WDFY1: variants seen among roughly 807,000 people sequenced by gnomAD.
The protein encoded by WDFY1 is WD repeat and FYVE domain-containing protein 1.
In WDFY1, 32 loss-of-function variants were observed where a neutral mutation model predicts 56.4. That is an observed-to-expected ratio of 0.57 (90% CI 0.43 to 0.76). The LOEUF is 0.76. Ranked by LOEUF, WDFY1 falls within the 30% of genes least tolerant of loss-of-function variation. WDFY1 has a pLI of 0.00. For missense variants in WDFY1, 480 were observed against 545.7 expected (o/e 0.88, Z 1.20); for synonymous variants, 192 against 197.3 (o/e 0.97, Z 0.23).
intron 1 of WDFY1, among the ~76,000 whole-genome samples, chr2:223,935,183 C>T (rs1258802895): frequency 1.3e-5 from 2 of 152,064 alleles, no homozygotes; most frequent in East Asian, 1.9e-4. Flanking sequence ...CCTCATCTCC[C>T]CATTAACCTT....
rs1192801141 is a variant in WDFY1 at position 223,918,003 on chromosome 2, G to A, written c.145C>T (p.Arg49Trp). The change falls in exon 2 of 12, where the codon CGG (arginine) becomes TGG (tryptophan). Residue 49 changes from arginine to tryptophan, a missense_variant. Arg to Trp is a moderately radical substitution (Grantham distance 101). Transcript: ENST00000233055. ...VITASEDRTI[R>W]VWLKRDSGQY... Reference sequence around the variant, plus strand: ...CCACTGTCTCTTTTCAGCCATACCCGGATGGTTCTGTGGAGAAAAGAAAAG... The same window carrying A: ...CCACTGTCTCTTTTCAGCCATACCCAGATGGTTCTGTGGAGAAAAGAAAAG... 3.7e-6 allele frequency: 6 copies of A among 1,613,762 alleles called. No homozygotes were observed. In the Admixed American group the frequency reaches 5.0e-5, roughly 13 times the overall value.
chr2:223,917,581 AT>A (rs1027103590), intron 2 of WDFY1, among the ~76,000 whole-genome samples: 9 of 150,030 alleles, frequency 6.0e-5, no homozygotes, highest in Non-Finnish European at 8.9e-5. Flanking sequence ...AAACTTACTT[AT>A]TTTTTTTTTG....
chr2:223,935,505 A>C (rs1694154409), intron 1 of WDFY1, among the ~76,000 whole-genome samples: 1 of 152,262 alleles, frequency 6.6e-6, no homozygotes, highest in Non-Finnish European at 1.5e-5. Flanking sequence ...GGGAAGATGA[A>C]TACCTAAATT....
chr2:223,878,676 G>A lies in WDFY1; in HGVS notation c.1228C>T (p.His410Tyr), dbSNP rs1693012046. Residue 410 changes from histidine to tyrosine, a missense_variant, in exon 12 of 12, where the codon CAC becomes TAC. By Grantham distance (83) the His-to-Tyr change is moderately conservative. Coordinates refer to ENST00000233055, the MANE Select transcript of WDFY1 (RefSeq NM_020830.5). ...GACGCCGCCCAGCTCTCAGATCAGT[G>A]CGGAGAAAACCCAGTCGCCAGACTG... Reference protein sequence around the residue: ...GCSLATGFSPH With the variant: ...GCSLATGFSPY 6.2e-7 allele frequency: 1 copy of A among 1,613,690 alleles called. No homozygotes were observed. Among genetic ancestry groups the A allele is most frequent in the Non-Finnish European group, 8.5e-7 (1 of 1,179,578 alleles).
intron 1 of WDFY1, among the ~76,000 whole-genome samples, chr2:223,932,191 C>T (rs1014134257): frequency 7.3e-6 from 1 of 137,782 alleles, no homozygotes; most frequent in South Asian, 2.3e-4. Flanking sequence ...GGTGCAATCT[C>T]GGCTCACTGC....
intron 1 of WDFY1, among the ~76,000 whole-genome samples, chr2:223,931,021 T>G (rs1236262532): frequency 6.6e-6 from 1 of 152,254 alleles, no homozygotes; most frequent in African/African-American, 2.4e-5. Context: ...TAGTTTGTTA[T>G]GTAGCACGAG....
At chr2:223,908,025 A>AT (rs1333825558) in intron 3 of WDFY1, among the ~76,000 whole-genome samples, 1 of 133,718 alleles carries the variant, frequency 7.5e-6, no homozygotes, top group Admixed American at 7.9e-5. Flanking sequence ...CACTAAGCTA[A>AT]TTTTTTTATT....
chr2:223,913,276 T>TAAAG (rs1056866657), intron 2 of WDFY1, among the ~76,000 whole-genome samples: 5 of 149,174 alleles, frequency 3.4e-5, no homozygotes, highest in African/African-American at 1.2e-4. Context: ...CATTTGAATA[T>TAAAG]AAAGTTCTCT....
At chr2:223,921,408 G>A (rs978025286) in intron 1 of WDFY1, among the ~76,000 whole-genome samples, 2 of 152,006 alleles carry the variant, frequency 1.3e-5, no homozygotes, top group Non-Finnish European at 1.5e-5. Context: ...CAAGACTGCA[G>A]GAAACTCCAT....
At position 223,912,267 on chromosome 2, in the gene WDFY1, T is replaced by C. The variant is rs1434232961; in HGVS notation, c.265A>G (p.Asn89Asp). Residue 89 changes from asparagine (N) to aspartate (D), a missense_variant, in exon 3 of 12, where the codon AAT (asparagine) becomes GAT (aspartate). By Grantham distance (23) the Asn-to-Asp change is conservative (BLOSUM62 1). Transcript: ENST00000233055. ...DSRRIFVGQD[N>D]GAVMEFHVSE... ...AAGCTACCTACCATTACAGCTCCAT[T>C]ATCCTGGCCCACAAATATCCGTCTG... The C allele has an allele frequency of 6.2e-7, 1 of 1,610,088 alleles. No homozygotes were observed. The highest frequency in any genetic ancestry group is 1.3e-5 in the African/African-American group (1 of 74,610).
chr2:223,939,256 G>A (rs1167783994), intron 1 of WDFY1, among the ~76,000 whole-genome samples: 1 of 152,178 alleles, frequency 6.6e-6, no homozygotes, highest in African/African-American at 2.4e-5. Flanking sequence ...ACCCCCAGGT[G>A]ATTCTGATGC....
At chr2:223,905,886 T>C in intron 4 of WDFY1, 61 bp downstream of exon 4, 3 of 1,155,120 alleles carry the variant, frequency 2.6e-6, no homozygotes, top group Admixed American at 3.2e-5. Context: ...TAAGAGATGA[T>C]GTTCTAGTTT....
rs1439814377 is a variant in WDFY1 at position 223,877,101 on chromosome 2, T to G, written c.*1570A>C. Reference sequence around the variant, plus strand: ...AAGACAAGTCTATGTTTAATGCAGATCATTCCAGTACATGATGTGCGTGAC... The same window carrying G: ...AAGACAAGTCTATGTTTAATGCAGAGCATTCCAGTACATGATGTGCGTGAC... On this transcript the variant is annotated 3_prime_UTR_variant, in exon 12 of 12. Coordinates refer to ENST00000233055, the MANE Select transcript of WDFY1 (RefSeq NM_020830.5). 6.6e-6 allele frequency: 1 copy of G among 152,198 alleles called. No homozygotes were observed. Among genetic ancestry groups the G allele is most frequent in the Non-Finnish European group, 1.5e-5 (1 of 68,030 alleles). The allele number at this position is 152,198 out of a possible 1,614,324, so 9.4% of individuals were successfully genotyped here. A position where few individuals can be genotyped will look rare whatever the true frequency, so the allele number is the denominator to read the frequency against.
chr2:223,938,917 C>T (rs775998488), intron 1 of WDFY1, among the ~76,000 whole-genome samples: 1 of 147,826 alleles, frequency 6.8e-6, no homozygotes, highest in Non-Finnish European at 1.5e-5. Context: ...TGCAGTGGCA[C>T]GATCTCAGCT....
chr2:223,909,881 G>C (rs527981418), intron 3 of WDFY1, among the ~76,000 whole-genome samples: 19 of 152,280 alleles, frequency 1.2e-4, no homozygotes, highest in Non-Finnish European at 2.4e-4. Flanking sequence ...TAGCTAGGGT[G>C]ATCTTCGAAA....
chr2:223,932,369 A>T (rs2053328), intron 1 of WDFY1, among the ~76,000 whole-genome samples: 1 of 151,286 alleles, frequency 6.6e-6, no homozygotes, highest in East Asian at 2.0e-4. Flanking sequence ...TGATTCGCCC[A>T]CCTCGGCCTC....
At chr2:223,915,319 G>A (rs1292852161) in intron 2 of WDFY1, among the ~76,000 whole-genome samples, 2 of 152,242 alleles carry the variant, frequency 1.3e-5, no homozygotes, top group African/African-American at 4.8e-5. Flanking sequence ...AGCTCCTTCA[G>A]GAGGGGACAG....
chr2:223,928,902 G>A (rs533933407), intron 1 of WDFY1, among the ~76,000 whole-genome samples: 2 of 152,118 alleles, frequency 1.3e-5, no homozygotes, highest in African/African-American at 4.8e-5. Flanking sequence ...GTTATTGCAG[G>A]GGGGGTGAGA....
chr2:223,935,056 G>A (rs187321468), intron 1 of WDFY1, among the ~76,000 whole-genome samples: 66 of 152,224 alleles, frequency 4.3e-4, no homozygotes, highest in Non-Finnish European at 6.5e-4. Flanking sequence ...ACAGCAGGAC[G>A]AAGCCTCTAT....
Sources: allele counts gnomAD v4.1 joint callset (sites outside exome capture counted in the v4.1 genomes callset), GRCh38; gene constraint gnomAD v4.1.1; transcripts MANE v1.5; gene names NCBI Gene and HGNC (gene_info 2026-07-23, HGNC 2026-07-21).